The following NRXN2 variants were observed in gnomAD, a reference collection of about 807,000 sequenced individuals.
NRXN2 encodes neurexin-2-beta.
In NRXN2, 29 loss-of-function variants were observed where a neutral mutation model predicts 128.8. The ratio of observed to expected loss-of-function variants is 0.23; its 90% CI spans 0.17 to 0.31. The LOEUF is 0.31. NRXN2 is among the 10% of genes least tolerant of loss of function. The probability of loss-of-function intolerance (pLI) is 1.00; values close to 1 mark genes in which losing one functional copy is unlikely to be tolerated. For missense variants in NRXN2, 1,881 were observed against 2,452.6 expected (o/e 0.77, Z 4.92); for synonymous variants, 1,098 against 1,075.2 (o/e 1.02, Z -0.41).
intron 2 of NRXN2, 110 bp downstream of exon 2, chr11:64,712,860 C>A: frequency 9.8e-7 from 1 of 1,017,364 alleles, no homozygotes; most frequent in South Asian, 1.4e-5. Flanking sequence ...CACAAGCCCT[C>A]GTGCCCAGCC....
intron 22 of NRXN2, among the ~76,000 whole-genome samples, chr11:64,618,404 G>C (rs1202615932): frequency 6.6e-6 from 1 of 152,204 alleles, no homozygotes; most frequent in Non-Finnish European, 1.5e-5. Flanking sequence ...GTGAACATGG[G>C]CACCTGTGTG....
At position 64,651,644 on chromosome 11, in the gene NRXN2, G is replaced by T; in HGVS notation, c.2537-8C>A. On this transcript the variant is annotated splice_polypyrimidine_tract_variant and splice_region_variant and intron_variant, in intron 13 of 22. Transcript: ENST00000265459. The surrounding 1 kb of genome is among the most constrained non-coding windows in gnomAD (Gnocchi z 5.9). ...GGGCTCCTGCCATCTGTCCTGCTCA[G>T]GACAGGAGACCAAGATGAGGGGGAT... 6.2e-7 allele frequency: 1 copy of T among 1,613,316 alleles called. No individual in the cohort carries two copies. Among genetic ancestry groups the T allele is most frequent in the Non-Finnish European group, 8.5e-7 (1 of 1,179,646 alleles).
intron 22 of NRXN2, among the ~76,000 whole-genome samples, chr11:64,611,131 G>T (rs1203008299): frequency 6.6e-6 from 1 of 152,208 alleles, no homozygotes; most frequent in Non-Finnish European, 1.5e-5. Context: ...CAGAATTGGG[G>T]CTCGTTATGC....
At chr11:64,636,635 AAAG>A (rs1834937168) in intron 17 of NRXN2, among the ~76,000 whole-genome samples, 1 of 152,138 alleles carries the variant, frequency 6.6e-6, no homozygotes, top group Non-Finnish European at 1.5e-5. Context: ...GGGAGGACTT[AAAG>A]AAGGAGAGAA....
intron 5 of NRXN2, chr11:64,688,387 T>C: frequency 1.0e-6 from 1 of 984,850 alleles, no homozygotes; most frequent in Non-Finnish European, 1.2e-6. Context: ...GAAAAAGAGA[T>C]GAGCAAGTGT....
At chr11:64,674,222 C>T (rs1453519066) in intron 7 of NRXN2, among the ~76,000 whole-genome samples, 6 of 151,912 alleles carry the variant, frequency 3.9e-5, no homozygotes, top group African/African-American at 1.5e-4. Context: ...TGGAGTTTCA[C>T]TCTTGTTGCC....
intron 1 of NRXN2, among the ~76,000 whole-genome samples, chr11:64,718,417 C>A (rs912929484): frequency 6.6e-6 from 1 of 152,166 alleles, no homozygotes; most frequent in Non-Finnish European, 1.5e-5. Flanking sequence ...CTCCTCCAGG[C>A]GCCAGGGAGG....
chr11:64,615,650 T>A (rs2041350234), intron 22 of NRXN2, among the ~76,000 whole-genome samples: 1 of 152,220 alleles, frequency 6.6e-6, no homozygotes, highest in East Asian at 1.9e-4. Flanking sequence ...TCTAAACAAC[T>A]GTGTGTACTT....
In NRXN2 at chr11:64,676,883, A is replaced by C. The variant is rs902142605; in HGVS notation, c.1197+110T>G. On this transcript the variant is annotated intron_variant, in intron 7 of 22. Coordinates refer to ENST00000265459, the MANE Select transcript of NRXN2 (RefSeq NM_015080.4). ...CCAGGACGCAAAAAACAATTGGAAG[A>C]GCAAAACAACCAAAAAACCAAACAG... 2.0e-5 allele frequency: 17 copies of C among 842,562 alleles called. No individual in the cohort carries two copies. In the African/African-American group the frequency reaches 2.5e-4, roughly 12 times the overall value. 52.2% of individuals were successfully genotyped at this position (842,562 alleles called of 1,614,324 possible). A position where few individuals can be genotyped will look rare whatever the true frequency, so the allele number is the denominator to read the frequency against.
intron 6 of NRXN2, among the ~76,000 whole-genome samples, chr11:64,682,362 T>C (rs1472301750): frequency 6.7e-6 from 1 of 149,044 alleles, no homozygotes; most frequent in African/African-American, 2.5e-5. Context: ...CAGACTCTAT[T>C]CTTGGGGACT....
At chr11:64,634,107 T>C (rs746454460) in intron 18 of NRXN2, among the ~76,000 whole-genome samples, 2 of 152,128 alleles carry the variant, frequency 1.3e-5, no homozygotes, top group Non-Finnish European at 2.9e-5. Flanking sequence ...GCCTCTCCCC[T>C]GGCTTCCTCT....
At chr11:64,643,281 C>T in intron 17 of NRXN2, 1 of 970,244 alleles carries the variant, frequency 1.0e-6, no homozygotes, top group Non-Finnish European at 1.2e-6. Context: ...GGCGGGAGAC[C>T]GACGGCGACT....
chr11:64,648,166 TG>T lies in NRXN2; in HGVS notation c.3403+52del. ...TTTCCTCCCTGGCAGCCCCTATGGC[TG>T]GGAATGGACCCTGGTCTCCCCAAAC... On this transcript the variant is annotated intron_variant, in intron 17 of 22. Transcript: ENST00000265459. The surrounding 1 kb of genome is among the most constrained non-coding windows in gnomAD (Gnocchi z 4.1). The T allele has an allele frequency of 6.2e-7, 1 of 1,613,428 alleles. No homozygotes were observed. The highest frequency in any genetic ancestry group is 8.5e-7 in the Non-Finnish European group (1 of 1,179,794).
chr11:64,712,885 GCC>G, intron 2 of NRXN2, 83 bp downstream of exon 2: 1 of 1,220,010 alleles, frequency 8.2e-7, no homozygotes, highest in Non-Finnish European at 1.1e-6. Context: ...TGCCTCAGGA[GCC>G]CACACACACT....
Position 64,667,457 on chromosome 11 carries a change from G to C in NRXN2, c.1591C>G (p.Leu531Val). 2 of 1,614,166 alleles carry C rather than the reference G, an allele frequency of 1.2e-6. No homozygotes were observed. Among genetic ancestry groups the C allele is most frequent in the Non-Finnish European group, 1.7e-6 (2 of 1,180,038 alleles). The change falls in exon 9 of 23, where the codon CTC (leucine) becomes GTC (valine). Residue 531 changes from leucine to valine, a missense_variant. Around this residue, in one of 7 missense-constraint regions of NRXN2, gnomAD observed 997 missense variants for 1,240.8 expected, o/e 0.80. Transcript: ENST00000265459. The surrounding 1 kb of genome is among the most constrained non-coding windows in gnomAD (Gnocchi z 5.6). The part of the protein sequence containing the change: ...FRTTEPNGLL[L>V]FSQGRRAGGG... ...CCAGCCCGCCGGCCCTGGCTGAAGA[G>C]CAGCAGCCCATTGGGCTCGGTGGTG...
chr11:64,713,797 T>G lies in NRXN2; in HGVS notation c.-98A>C. 1.5e-6 allele frequency: 1 copy of G among 654,876 alleles called. No homozygotes were observed. Among genetic ancestry groups the G allele is most frequent in the Non-Finnish European group, 1.9e-6 (1 of 524,214 alleles). 40.6% of individuals were successfully genotyped at this position (654,876 alleles called of 1,614,324 possible). On this transcript the variant is annotated 5_prime_UTR_variant, in exon 2 of 23. Transcript: ENST00000265459. ...GGAGGGGGCCGGGCGCTCCCCGCGCTGAGCGGGGCTCCCTTGCAGGCTCAC... is the reference window on the plus strand; with the variant it reads ...GGAGGGGGCCGGGCGCTCCCCGCGCGGAGCGGGGCTCCCTTGCAGGCTCAC...
At position 64,660,943 on chromosome 11, in the gene NRXN2, C is replaced by T. The variant is rs138110321; in HGVS notation, c.1995G>A (p.Gly665=). ...VGCVRDLFID[G]RSRDLRGLAE... is the part of the protein sequence containing the mutation. Reference sequence around the variant, plus strand: ...CCAGGCCCCGGAGGTCTCGGCTACGCCCATCTATGAAGAGGTCCCGCACAC... The same window carrying T: ...CCAGGCCCCGGAGGTCTCGGCTACGTCCATCTATGAAGAGGTCCCGCACAC... Residue 665 remains glycine, a synonymous_variant, in exon 10 of 23, where the codon GGG becomes GGA. Coordinates refer to ENST00000265459, the MANE Select transcript of NRXN2 (RefSeq NM_015080.4). The surrounding 1 kb of genome is among the most constrained non-coding windows in gnomAD (Gnocchi z 5.2). 154 of 1,613,816 alleles carry T rather than the reference C, an allele frequency of 9.5e-5. No homozygotes were observed. The African/African-American group carries it at 1.5e-3, about 15-fold the overall frequency.
In NRXN2 at chr11:64,626,576, T is replaced by G. The variant is rs914141792; in HGVS notation, c.3758-24A>C. 1.9e-6 allele frequency: 3 copies of G among 1,587,004 alleles called. No homozygotes were observed. In the African/African-American group the frequency reaches 4.0e-5, roughly 21 times the overall value. ...TCCTTGGAAAAGTTTAGAAAGACAGTAGGTTTCTCAGGCAGCGAAGTCCAA... is the reference window on the plus strand; with the variant it reads ...TCCTTGGAAAAGTTTAGAAAGACAGGAGGTTTCTCAGGCAGCGAAGTCCAA... On this transcript the variant is annotated intron_variant, in intron 19 of 22. Transcript: ENST00000265459.
At chr11:64,664,495 A>AG (rs2049506511) in intron 9 of NRXN2, among the ~76,000 whole-genome samples, 1 of 151,284 alleles carries the variant, frequency 6.6e-6, no homozygotes, top group South Asian at 2.1e-4. Context: ...AAAAAAAAAA[A>AG]GGTTACTATG....
Sources: gnomAD v4.1 joint callset for allele counts (sites outside exome capture counted in the v4.1 genomes callset) on GRCh38, gnomAD v4.1.1 for gene constraint, gnomAD v4.1.1 regional missense constraint, Gnocchi (gnomAD v3.1) non-coding constraint, MANE v1.5 for transcripts, NCBI Gene and HGNC (gene_info 2026-07-23, HGNC 2026-07-21) for gene names.